Variants in MATCAP2 observed in about 807,000 individuals in gnomAD.
MATCAP2 encodes the protein microtubule associated tyrosine carboxypeptidase 2.
chr7:36,331,119 A>G, the MATCAP2 span: 1 of 1,241,444 alleles, frequency 8.1e-7, no homozygotes. Flanking sequence ...TGATGTTCAG[A>G]AAAATTACTA....
the MATCAP2 span, among the ~76,000 whole-genome samples, chr7:36,382,491 CTT>C: frequency 1.3e-5 from 2 of 149,880 alleles, no homozygotes; most frequent in Non-Finnish European, 3.0e-5. Flanking sequence ...GTAAAAATAG[CTT>C]TTTTTTTTTT....
the MATCAP2 span, among the ~76,000 whole-genome samples, chr7:36,363,983 T>C: frequency 6.3e-4 from 96 of 152,130 alleles, 1 homozygote; most frequent in Non-Finnish European, 1.3e-4. Flanking sequence ...AATTTCATGT[T>C]AATAAGGTAA....
the MATCAP2 span, among the ~76,000 whole-genome samples, chr7:36,350,316 A>G: frequency 6.6e-6 from 1 of 152,224 alleles, no homozygotes; most frequent in East Asian, 1.9e-4. Context: ...GTTTTAATAT[A>G]ACAATGAATT....
At chr7:36,336,679 A>C in the MATCAP2 span, among the ~76,000 whole-genome samples, 1 of 152,318 alleles carries the variant, frequency 6.6e-6, no homozygotes, top group East Asian at 1.9e-4. Context: ...TCTCCACGCA[A>C]GTAAATAGAT....
At chr7:36,360,151 A>C in the MATCAP2 span, among the ~76,000 whole-genome samples, 1 of 152,192 alleles carries the variant, frequency 6.6e-6, no homozygotes, top group Non-Finnish European at 1.5e-5. Flanking sequence ...CTGATTTTTT[A>C]AAAATGAATA....
chr7:36,367,298 T>A, the MATCAP2 span: 1 of 1,018,950 alleles, frequency 9.8e-7, no homozygotes, highest in Non-Finnish European at 1.2e-6. Context: ...CTGGGGGCGC[T>A]CGTGCGACGA....
At chr7:36,348,239 T>C in the MATCAP2 span, among the ~76,000 whole-genome samples, 1 of 152,342 alleles carries the variant, frequency 6.6e-6, no homozygotes, top group South Asian at 2.1e-4. Flanking sequence ...TGGTCATTGC[T>C]TCCTGGTAGC....
At chr7:36,341,350 T>G in the MATCAP2 span, among the ~76,000 whole-genome samples, 1 of 152,222 alleles carries the variant, frequency 6.6e-6, no homozygotes, top group African/African-American at 2.4e-5. Context: ...AAAAGAGATG[T>G]GATACATTGC....
At chr7:36,351,344 C>T in the MATCAP2 span, among the ~76,000 whole-genome samples, 4 of 151,906 alleles carry the variant, frequency 2.6e-5, no homozygotes, top group East Asian at 1.9e-4. Flanking sequence ...TGCAGTGAGC[C>T]GAGACTGCAT....
the MATCAP2 span, among the ~76,000 whole-genome samples, chr7:36,375,070 G>T: frequency 6.6e-6 from 1 of 152,164 alleles, no homozygotes; most frequent in Admixed American, 6.5e-5. Context: ...TGGGATGGCT[G>T]GATCAAATCG....
chr7:36,334,020 G>GA, the MATCAP2 span: 1 of 1,613,930 alleles, frequency 6.2e-7, no homozygotes, highest in East Asian at 2.2e-5. Flanking sequence ...CCATAAAAAA[G>GA]GGTCTTTTCT....
the MATCAP2 span, among the ~76,000 whole-genome samples, chr7:36,361,038 T>C: frequency 6.6e-6 from 1 of 152,162 alleles, no homozygotes; most frequent in Admixed American, 6.5e-5. Context: ...CCCAACCTGA[T>C]TACCCATACT....
the MATCAP2 span, among the ~76,000 whole-genome samples, chr7:36,332,756 C>T: frequency 2.8e-4 from 43 of 152,266 alleles, no homozygotes; most frequent in Non-Finnish European, 4.9e-4. Flanking sequence ...GGTGAAATCC[C>T]GTCCCTACTA....
At chr7:36,360,382 T>C in the MATCAP2 span, among the ~76,000 whole-genome samples, 13 of 152,172 alleles carry the variant, frequency 8.5e-5, no homozygotes, top group African/African-American at 2.7e-4. Context: ...TGACAGTATA[T>C]GCCTGACAGA....
At chr7:36,357,409 A>C in the MATCAP2 span, 2 of 1,614,162 alleles carry the variant, frequency 1.2e-6, no homozygotes, top group Admixed American at 3.3e-5. Context: ...TTTGTGAATG[A>C]TACTTTTTTT....
the MATCAP2 span, among the ~76,000 whole-genome samples, chr7:36,334,806 G>A: frequency 6.6e-6 from 1 of 152,114 alleles, no homozygotes; most frequent in Admixed American, 6.6e-5. Flanking sequence ...GGGAAATCCA[G>A]AGCAGCTAAA....
At chr7:36,336,149 CAT>C in the MATCAP2 span, 1 of 1,530,592 alleles carries the variant, frequency 6.5e-7, no homozygotes, top group Non-Finnish European at 8.7e-7. Flanking sequence ...ACTCGCAGTT[CAT>C]ACCTCCCCTA....
At chr7:36,388,840 C>T in the MATCAP2 span, among the ~76,000 whole-genome samples, 2 of 152,228 alleles carry the variant, frequency 1.3e-5, no homozygotes, top group Non-Finnish European at 2.9e-5. Flanking sequence ...ATTCCTCCCG[C>T]TCTAACACTG....
At chr7:36,365,656 G>T in the MATCAP2 span, among the ~76,000 whole-genome samples, 1 of 152,134 alleles carries the variant, frequency 6.6e-6, no homozygotes, top group Non-Finnish European at 1.5e-5. Context: ...CAGAGACAGC[G>T]CCACTGCACT....
Sources: allele counts gnomAD v4.1 joint callset (sites outside exome capture counted in the v4.1 genomes callset), GRCh38; gene constraint gnomAD v4.1.1; transcripts MANE v1.5; gene names NCBI Gene and HGNC (gene_info 2026-07-23, HGNC 2026-07-21).